The following TET3 variants were observed in gnomAD, a reference collection of about 807,000 sequenced individuals.
The protein encoded by TET3 is methylcytosine dioxygenase TET3.
A neutral mutation model predicts 141.4 loss-of-function variants in TET3; 19 were observed. That is an observed-to-expected ratio of 0.13 (90% CI 0.09 to 0.20). The LOEUF is 0.20. TET3 is among the 10% of genes least tolerant of loss of function. The pLI is 1.00. For synonymous variants in TET3, 1,043 were observed against 980.9 expected (o/e 1.06, Z -1.18); for missense variants, 1,874 against 2,356.9 (o/e 0.80, Z 4.24).
At chr2:74,033,808 C>T (rs1686879366) in intron 3 of TET3, among the ~76,000 whole-genome samples, 1 of 152,126 alleles carries the variant, frequency 6.6e-6, no homozygotes, top group Admixed American at 6.5e-5. Flanking sequence ...AAGATTTGCC[C>T]AATGTGGCTG....
At chr2:74,035,095 G>A (rs951316987) in intron 3 of TET3, among the ~76,000 whole-genome samples, 4 of 151,220 alleles carry the variant, frequency 2.6e-5, no homozygotes, top group South Asian at 2.1e-4. Context: ...CCAGCTATTC[G>A]GGAGGCTGAG....
At chr2:74,122,457 A>ATATATGTGTGTGTG in the TET3 span, 53 of 127,500 alleles carry the variant, frequency 4.2e-4, no homozygotes, top group African/African-American at 7.6e-4. Flanking sequence ...AAATATATAT[A>ATATATGTGTGTGTG]TGTGTGTGTG....
rs771875552 is a variant in TET3 at position 74,102,031 on chromosome 2, G to C, written c.5243G>C (p.Gly1748Ala). The stretch of plus-strand genomic sequence containing the variant: ...TACGGGAAGAAGCGCAAGTGGGGGG[G>C]CACTGTGGTTGCTGAGCCCCAGCAG... The part of the protein sequence containing the change: ...KLYGKKRKWG[G>A]TVVAEPQQKE... Residue 1748 changes from glycine to alanine, a missense_variant, in exon 12 of 12, where the codon GGC (glycine) becomes GCC (alanine). Physicochemically the swap from Gly to Ala is moderately conservative, Grantham distance 60 (BLOSUM62 0). Around this residue, in one of 10 missense-constraint regions of TET3, gnomAD observed 113 missense variants for 114.3 expected, o/e 0.99. Coordinates refer to ENST00000409262, the MANE Select transcript of TET3 (RefSeq NM_001287491.2). The C allele has an allele frequency of 6.4e-7, 1 of 1,559,086 alleles. No homozygotes were observed. The highest frequency in any genetic ancestry group is 1.9e-5 in the Admixed American group (1 of 51,682).
intron 3 of TET3, among the ~76,000 whole-genome samples, chr2:74,008,536 C>A (rs1228934718): frequency 6.6e-6 from 1 of 152,184 alleles, no homozygotes; most frequent in African/African-American, 2.4e-5. Context: ...TGTTAATAAC[C>A]TAGAGGTATA....
the TET3 span, among the ~76,000 whole-genome samples, chr2:74,115,062 G>C: frequency 6.6e-6 from 1 of 151,896 alleles, no homozygotes; most frequent in African/African-American, 2.4e-5. Context: ...TTATGAATAA[G>C]ACCTCAAAAG....
At chr2:74,114,874 A>AAAAAAAAAAAAAAAAAAAAAAAT in the TET3 span, among the ~76,000 whole-genome samples, 1 of 149,646 alleles carries the variant, frequency 6.7e-6, no homozygotes, top group African/African-American at 2.5e-5. Context: ...AAAAAAAAAA[A>AAAAAAAAAAAAAAAAAAAAAAAT]GATGCTGGGA....
At chr2:74,084,074 C>A (rs534692396) in intron 6 of TET3, among the ~76,000 whole-genome samples, 23 of 152,270 alleles carry the variant, frequency 1.5e-4, no homozygotes, top group Admixed American at 1.0e-3. Flanking sequence ...TTACTGATAG[C>A]CAAAATACAC....
In TET3 at chr2:74,099,259, C is replaced by G. The variant is rs367573780; in HGVS notation, c.3268-17C>G. On this transcript the variant is annotated splice_polypyrimidine_tract_variant and intron_variant, in intron 10 of 11. Coordinates refer to ENST00000409262, the MANE Select transcript of TET3 (RefSeq NM_001287491.2). ...TCCCCCAACCCCATGTCCTCTCTCC[C>G]CCACTGCTTGGGGCAGGTCTGCACC... 6.5e-5 allele frequency: 101 copies of G among 1,559,624 alleles called. No individual in the cohort carries two copies. The Middle Eastern group carries it at 1.5e-3, about 24-fold the overall frequency.
chr2:74,059,231 G>A (rs773423695), intron 4 of TET3, among the ~76,000 whole-genome samples: 4 of 152,148 alleles, frequency 2.6e-5, no homozygotes, highest in Non-Finnish European at 5.9e-5. Context: ...CATCTATATT[G>A]TGTTTTTATT....
chr2:74,134,936 G>T, the TET3 span: 5,274 of 343,164 alleles, frequency 0.015, 270 homozygotes, highest in African/African-American at 0.1. Context: ...TTCAGGGCAG[G>T]TCCATCTGAT....
At chr2:74,082,760 C>A (rs1689903114) in intron 6 of TET3, among the ~76,000 whole-genome samples, 1 of 152,176 alleles carries the variant, frequency 6.6e-6, no homozygotes, top group East Asian at 1.9e-4. Context: ...TAAAGAGTTC[C>A]ACCTCCTTTG....
Position 73,986,494 on chromosome 2 carries a change from C to T in TET3, c.91C>T (p.Pro31Ser). 2 of 1,232,176 alleles carry T rather than the reference C, an allele frequency of 1.6e-6. No individual in the cohort carries two copies. Among genetic ancestry groups the T allele is most frequent in the Non-Finnish European group, 2.0e-6 (2 of 988,026 alleles). 76.3% of individuals were successfully genotyped at this position (1,232,176 alleles called of 1,614,324 possible). ...PQRQVMVGSF[P>S]GSGLSMAGSE... ...GCGCCAGGTGATGGTAGGGAGCTTC[C>T]CGGGGTCTGGGCTCTCCATGGCTGG... The change falls in exon 2 of 12, where the codon CCG (proline) becomes TCG (serine). Residue 31 changes from proline to serine, a missense_variant. By Grantham distance (74) the Pro-to-Ser change is moderately conservative. This residue lies in a region of TET3 where 366 missense variants were observed against 487.0 expected (regional missense o/e 0.75). Transcript: ENST00000409262.
rs936843398 is a variant in TET3, at chr2:74,096,777, A to AAAAG, written c.3268-2479_3268-2476dup. On this transcript the variant is annotated intron_variant, in intron 10 of 11. Transcript: ENST00000409262. ...GAGCAAAACTCTGTCTCAAAAAAAA[A>AAAAG]AAAGAAAGAAAGAAAGAAAGAAAAG... is the stretch of plus-strand genomic sequence containing the variant. Among the ~76,000 whole-genome samples the AAAAG allele has an allele frequency of 2.4e-4, 35 of 145,330 alleles. No homozygotes were observed. In the East Asian group the frequency reaches 2.5e-3, roughly 10 times the overall value.
At chr2:74,019,700 A>G (rs936525948) in intron 3 of TET3, among the ~76,000 whole-genome samples, 3 of 152,222 alleles carry the variant, frequency 2.0e-5, no homozygotes, top group Non-Finnish European at 4.4e-5. Context: ...GAGCAGCAGA[A>G]TCTCAAGCAG....
At chr2:74,068,670 G>A (rs1689039293) in intron 4 of TET3, among the ~76,000 whole-genome samples, 1 of 152,156 alleles carries the variant, frequency 6.6e-6, no homozygotes, top group South Asian at 2.1e-4. Context: ...CAAACAGATT[G>A]TGCATTTGTC....
intron 3 of TET3, among the ~76,000 whole-genome samples, chr2:74,024,501 C>G (rs1686228457): frequency 1.3e-5 from 2 of 152,198 alleles, no homozygotes; most frequent in Middle Eastern, 3.4e-3. Flanking sequence ...TTCTTCCTTG[C>G]CCTCTGCTCT....
intron 3 of TET3, among the ~76,000 whole-genome samples, chr2:74,005,040 C>T (rs147860799): frequency 6.5e-4 from 99 of 152,284 alleles, no homozygotes; most frequent in African/African-American, 1.8e-3. Context: ...GGAGAAAGGA[C>T]GGGCTGGCAG....
intron 6 of TET3, among the ~76,000 whole-genome samples, chr2:74,086,335 C>G (rs553859106): frequency 1.3e-5 from 2 of 152,204 alleles, no homozygotes; most frequent in South Asian, 2.1e-4. Context: ...GACCTCAGAC[C>G]TGGATCCTGA....
rs879644667 is a variant in TET3, at chr2:74,030,266, C to G, written c.361-16012C>G. 2.6e-5 allele frequency among the ~76,000 whole-genome samples: 4 copies of G among 152,282 alleles called. No individual in the cohort carries two copies. In the East Asian group the frequency reaches 7.7e-4, roughly 29 times the overall value. On this transcript the variant is annotated intron_variant, in intron 3 of 11. Transcript: ENST00000409262. ...TATTTTCACTTTTTAAAAAAACTAC[C>G]TAGTTTTCTCATTTGTGTGCTTGGT...
Sources: allele counts gnomAD v4.1 joint callset (sites outside exome capture counted in the v4.1 genomes callset), GRCh38; gene constraint gnomAD v4.1.1; regional missense constraint gnomAD v4.1.1; transcripts MANE v1.5; gene names NCBI Gene and HGNC (gene_info 2026-07-23, HGNC 2026-07-21).